CLYBL: variants seen among roughly 807,000 people sequenced by gnomAD.
CLYBL encodes citramalyl-CoA lyase.
CLYBL carries 31 observed loss-of-function variants against 38.9 expected under a neutral mutation model. The observed-to-expected ratio is 0.80, with a 90% CI of 0.60 to 1.08. CLYBL has a LOEUF of 1.08. Among genes scored for constraint, CLYBL ranks in the 50% least tolerant of loss-of-function variants. The pLI is 0.00. For synonymous variants in CLYBL, 171 were observed against 158.6 expected (o/e 1.08, Z -0.59); for missense variants, 434 against 411.6 (o/e 1.05, Z -0.47).
intron 1 of CLYBL, among the ~76,000 whole-genome samples, chr13:99,706,257 A>G (rs2048145674): frequency 6.6e-6 from 1 of 152,194 alleles, no homozygotes; most frequent in Admixed American, 6.5e-5. Flanking sequence ...TAAAAGCAAC[A>G]TAATAAAGAC....
chr13:99,842,478 C>T (rs1323770188), intron 2 of CLYBL, among the ~76,000 whole-genome samples: 6 of 152,118 alleles, frequency 3.9e-5, no homozygotes, highest in African/African-American at 7.2e-5. Context: ...TGATTTGCCC[C>T]CTCTAGGACT....
At chr13:99,771,020 C>CTTTTTTTTTTTTTTTT (rs546998940) in intron 1 of CLYBL, among the ~76,000 whole-genome samples, 2 of 120,240 alleles carry the variant, frequency 1.7e-5, no homozygotes, top group South Asian at 3.0e-4. Flanking sequence ...ACGCGGGGCC[C>CTTTTTTTTTTTTTTTT]TTTTTTTTTT....
At chr13:99,628,905 T>C (rs2046905448) in intron 1 of CLYBL, among the ~76,000 whole-genome samples, 1 of 152,246 alleles carries the variant, frequency 6.6e-6, no homozygotes, top group South Asian at 2.1e-4. Context: ...GGGCCCTTGC[T>C]ACAAGTGTAA....
intron 1 of CLYBL, among the ~76,000 whole-genome samples, chr13:99,660,065 G>T (rs888522118): frequency 2.0e-5 from 3 of 152,148 alleles, no homozygotes; most frequent in African/African-American, 7.2e-5. Flanking sequence ...TAGAGAAAAA[G>T]AAACAAATAC....
chr13:99,712,171 TG>T (rs2048244207), intron 1 of CLYBL, among the ~76,000 whole-genome samples: 2 of 152,190 alleles, frequency 1.3e-5, no homozygotes, highest in South Asian at 4.1e-4. Context: ...CTTTCTGCTA[TG>T]GAAGTTGAAG....
At chr13:99,635,473 G>T (rs551020970) in intron 1 of CLYBL, among the ~76,000 whole-genome samples, 6 of 152,212 alleles carry the variant, frequency 3.9e-5, no homozygotes, top group African/African-American at 1.2e-4. Flanking sequence ...GTCAGGTCTG[G>T]CCATTCAGCC....
chr13:99,642,107 G>T (rs2047103925), intron 1 of CLYBL, among the ~76,000 whole-genome samples: 1 of 152,234 alleles, frequency 6.6e-6, no homozygotes, highest in African/African-American at 2.4e-5. Flanking sequence ...CACAAGGAAA[G>T]AGGAATCTGA....
intron 1 of CLYBL, among the ~76,000 whole-genome samples, chr13:99,664,356 G>A (rs2047450202): frequency 6.6e-6 from 1 of 152,208 alleles, no homozygotes; most frequent in Non-Finnish European, 1.5e-5. Context: ...ATTCCCTGAA[G>A]CAAATACTTT....
chr13:99,695,255 G>T (rs1250750882), intron 1 of CLYBL, among the ~76,000 whole-genome samples: 1 of 152,130 alleles, frequency 6.6e-6, no homozygotes, highest in Non-Finnish European at 1.5e-5. Flanking sequence ...AGTAGGAAAA[G>T]ATTTCTCCAT....
chr13:99,750,204 C>T (rs1379629085), intron 1 of CLYBL, among the ~76,000 whole-genome samples: 1 of 140,842 alleles, frequency 7.1e-6, no homozygotes, highest in African/African-American at 3.3e-5. Context: ...ACCCCCTCAG[C>T]CCCCTCAAAG....
chr13:99,894,985 C>T (rs1224127473), downstream of CLYBL: 1 of 152,210 alleles, frequency 6.6e-6, no homozygotes, highest in Non-Finnish European at 1.5e-5. Flanking sequence ...CCCCTCCTCT[C>T]CTCCAGGGAC....
At chr13:99,825,207 G>T (rs939010976) in intron 2 of CLYBL, among the ~76,000 whole-genome samples, 3 of 152,186 alleles carry the variant, frequency 2.0e-5, no homozygotes, top group African/African-American at 7.2e-5. Flanking sequence ...AGTCTGGGCA[G>T]CCCAAGGTAG....
chr13:99,782,702 C>T (rs1258739948), intron 2 of CLYBL, among the ~76,000 whole-genome samples: 1 of 152,078 alleles, frequency 6.6e-6, no homozygotes, highest in African/African-American at 2.4e-5. Flanking sequence ...TTCTCCCTCC[C>T]TTCCTCCCTT....
chr13:99,870,841 A>G lies in CLYBL; in HGVS notation c.803-97A>G, dbSNP rs2051870997. 4.9e-6 allele frequency: 6 copies of G among 1,219,408 alleles called. No individual in the cohort carries two copies. In the East Asian group the frequency reaches 7.5e-5, roughly 15 times the overall value. The allele number at this position is 1,219,408 out of a possible 1,614,324, so 75.5% of individuals were successfully genotyped here. A position where few individuals can be genotyped will look rare whatever the true frequency, so the allele number is the denominator to read the frequency against. On this transcript the variant is annotated intron_variant, in intron 6 of 8. Coordinates refer to ENST00000339105, the MANE Select transcript of CLYBL (RefSeq NM_206808.5). ...GTTTTAAATTAGTTATTTAACATAC[A>G]GTCTATGAGGCCTTCAGGAACCTCA...
chr13:99,882,637 C>T (rs901001878), intron 7 of CLYBL, among the ~76,000 whole-genome samples: 1 of 151,658 alleles, frequency 6.6e-6, no homozygotes, highest in Non-Finnish European at 1.5e-5. Context: ...GCACTCCAGC[C>T]TGGGAGACGG....
chr13:99,749,361 A>G (rs1367207028), intron 1 of CLYBL, among the ~76,000 whole-genome samples: 8 of 152,152 alleles, frequency 5.3e-5, no homozygotes, highest in African/African-American at 1.7e-4. Flanking sequence ...ACTCTTGCCA[A>G]GCCTGTCCTT....
At chr13:99,656,802 CTGT>C (rs768487655) in intron 1 of CLYBL, among the ~76,000 whole-genome samples, 2 of 152,160 alleles carry the variant, frequency 1.3e-5, no homozygotes, top group East Asian at 3.9e-4. Flanking sequence ...AAATCATTTT[CTGT>C]TGTTAGAGAA....
chr13:99,872,234 A>G (rs1297251195), intron 7 of CLYBL, among the ~76,000 whole-genome samples: 1 of 152,164 alleles, frequency 6.6e-6, no homozygotes. Context: ...CTCACACTTA[A>G]TCTCCAAAGG....
At chr13:99,751,837 A>G (rs1223610979) in intron 1 of CLYBL, among the ~76,000 whole-genome samples, 1 of 152,250 alleles carries the variant, frequency 6.6e-6, no homozygotes, top group Non-Finnish European at 1.5e-5. Context: ...ATATTTTACC[A>G]CAATACAAAA....
Sources: gnomAD v4.1 joint callset for allele counts (sites outside exome capture counted in the v4.1 genomes callset) on GRCh38, gnomAD v4.1.1 for gene constraint, MANE v1.5 for transcripts, NCBI Gene and HGNC (gene_info 2026-07-23, HGNC 2026-07-21) for gene names.